The following GALNT17 variants were observed in gnomAD, a reference collection of about 807,000 sequenced individuals.
The protein encoded by GALNT17 is UDP-GalNAc:polypeptide N-acetylgalactosaminyltransferase-like 3.
A neutral mutation model predicts 63.7 loss-of-function variants in GALNT17; 29 were observed. That is an observed-to-expected ratio of 0.46 (90% CI 0.34 to 0.62). The LOEUF (loss-of-function observed/expected upper bound fraction) is 0.62. GALNT17 is among the 20% of genes least tolerant of loss of function. GALNT17 has a pLI of 0.01. For synonymous variants in GALNT17, 305 were observed against 318.3 expected, an observed-to-expected ratio of 0.96 and a Z score of 0.45; for missense variants, 603 against 799.6, an observed-to-expected ratio of 0.75 and a Z score of 2.97.
At chr7:71,512,721 G>A (rs2895291) in intron 5 of GALNT17, among the ~76,000 whole-genome samples, 3,280 of 152,274 alleles carry the variant, frequency 0.022, 123 homozygotes, top group African/African-American at 0.075. Flanking sequence ...GTAATGAACT[G>A]TGCCCAGGTA....
At chr7:71,298,711 GGTGTGTGTGTGTGTGT>G (rs10602909) in intron 1 of GALNT17, among the ~76,000 whole-genome samples, 3 of 141,490 alleles carry the variant, frequency 2.1e-5, no homozygotes, top group African/African-American at 7.7e-5. Flanking sequence ...ATTCCAGTGG[GGTGTGTGTGTGTGTGT>G]GTGTGTGTGT....
At chr7:71,409,707 T>G (rs1293015483) in intron 3 of GALNT17, among the ~76,000 whole-genome samples, 1 of 152,146 alleles carries the variant, frequency 6.6e-6, no homozygotes, top group Non-Finnish European at 1.5e-5. Flanking sequence ...GACCACCAGG[T>G]TCGTATGTCC....
intron 1 of GALNT17, among the ~76,000 whole-genome samples, chr7:71,329,612 C>T (rs1311026611): frequency 6.6e-6 from 1 of 151,498 alleles, no homozygotes; most frequent in African/African-American, 2.4e-5. Context: ...TGGCAGAAGG[C>T]GAAAGGGAAG....
chr7:71,341,019 C>G (rs1377271675), intron 2 of GALNT17, among the ~76,000 whole-genome samples: 1 of 152,088 alleles, frequency 6.6e-6, no homozygotes, highest in African/African-American at 2.4e-5. Flanking sequence ...GCCTGGGCAA[C>G]AGAGTGAGAC....
chr7:71,608,916 A>G (rs1197931261), intron 6 of GALNT17, among the ~76,000 whole-genome samples: 1 of 151,068 alleles, frequency 6.6e-6, no homozygotes, highest in Non-Finnish European at 1.5e-5. Flanking sequence ...GTAGCTGGGG[A>G]CTATAGGTGC....
intron 6 of GALNT17, among the ~76,000 whole-genome samples, chr7:71,664,431 G>A (rs71551215): frequency 0.026 from 4,007 of 152,170 alleles, 71 homozygotes; most frequent in Middle Eastern, 0.065. Context: ...GCAACATAGC[G>A]AGACCTCATC....
intron 1 of GALNT17, among the ~76,000 whole-genome samples, chr7:71,163,480 T>A (rs1788384400): frequency 6.6e-6 from 1 of 152,184 alleles, no homozygotes; most frequent in Non-Finnish European, 1.5e-5. Flanking sequence ...ATTCAGAAAA[T>A]GAAACTGACC....
rs1251982398 is a variant in GALNT17, at chr7:71,701,855, A to G, written c.1501-8906A>G. Among the ~76,000 whole-genome samples, 54 of 17,570 alleles carry G rather than the reference A, an allele frequency of 3.1e-3. 2 individuals are homozygous for G. The highest frequency in any genetic ancestry group is 7.5e-3 in the African/African-American group (50 of 6,690). The allele number at this position is 17,570 out of a possible 152,430, so 11.5% of individuals were successfully genotyped here. A position where few individuals can be genotyped will look rare whatever the true frequency, so the allele number is the denominator to read the frequency against. ...CATATATATATGTGTATATATATAT[A>G]CACATATATATATACATATATATAT... On this transcript the variant is annotated intron_variant, in intron 9 of 10. Transcript: ENST00000333538.
intron 1 of GALNT17, among the ~76,000 whole-genome samples, chr7:71,215,631 G>A (rs1464304735): frequency 1.3e-5 from 2 of 151,942 alleles, no homozygotes; most frequent in East Asian, 1.9e-4. Context: ...TGTTCGTCCT[G>A]GAGTATTTTA....
At chr7:71,583,469 T>G (rs923641480) in intron 6 of GALNT17, among the ~76,000 whole-genome samples, 1 of 152,190 alleles carries the variant, frequency 6.6e-6, no homozygotes, top group Non-Finnish European at 1.5e-5. Flanking sequence ...CTGCAGATGA[T>G]GAGCTGCTCA....
chr7:71,677,092 A>G, intron 8 of GALNT17, 119 bp from the exon 9 acceptor site: 1 of 970,732 alleles, frequency 1.0e-6, no homozygotes, highest in Non-Finnish European at 1.7e-6. Flanking sequence ...GTCCTCACTT[A>G]GAGGCTCGTG....
chr7:71,285,216 A>G lies in GALNT17; in HGVS notation c.239-50334A>G, dbSNP rs770645634. ...TTTTTTTCCTACCTTCTTTGACTAC[A>G]TATTATTTGACTACCTCTTTATTAT... is the stretch of plus-strand genomic sequence containing the variant. On this transcript the variant is annotated intron_variant, in intron 1 of 10. Transcript: ENST00000333538. Among the ~76,000 whole-genome samples the G allele has an allele frequency of 4.6e-5, 7 of 152,156 alleles. No homozygotes were observed. In the East Asian group the frequency reaches 1.3e-3, roughly 29 times the overall value.
chr7:71,688,298 T>C (rs972433033), intron 9 of GALNT17, among the ~76,000 whole-genome samples: 3 of 152,234 alleles, frequency 2.0e-5, no homozygotes, highest in African/African-American at 7.2e-5. Flanking sequence ...TCTCAAAATA[T>C]TCAAAATGTT....
chr7:71,577,412 C>T (rs576852992), intron 6 of GALNT17, among the ~76,000 whole-genome samples: 4 of 152,308 alleles, frequency 2.6e-5, no homozygotes, highest in Middle Eastern at 3.4e-3. Flanking sequence ...GCTCTCCATT[C>T]CCAGACACAC....
At chr7:71,478,113 C>T (rs1411780575) in intron 5 of GALNT17, among the ~76,000 whole-genome samples, 4 of 152,090 alleles carry the variant, frequency 2.6e-5, no homozygotes, top group Admixed American at 6.6e-5. Context: ...TAGATAAATC[C>T]GTAACTTATG....
At chr7:71,328,990 C>T (rs1791755780) in intron 1 of GALNT17, among the ~76,000 whole-genome samples, 2 of 152,164 alleles carry the variant, frequency 1.3e-5, no homozygotes, top group Admixed American at 1.3e-4. Context: ...GCTAGGCAAA[C>T]ACATCTGAAA....
At chr7:71,669,459 T>G (rs1308382256) in intron 7 of GALNT17, among the ~76,000 whole-genome samples, 1 of 151,622 alleles carries the variant, frequency 6.6e-6, no homozygotes, top group East Asian at 2.0e-4. Flanking sequence ...TGCAGTGAGA[T>G]GAGATCGTGC....
chr7:71,670,176 G>A (rs1292288751), intron 8 of GALNT17, 67 bp downstream of exon 8: 6 of 1,602,080 alleles, frequency 3.7e-6, no homozygotes, highest in Non-Finnish European at 5.1e-6. Context: ...GCTTCGCTGG[G>A]GAGAAATAGA....
chr7:71,575,260 C>T (rs974746288), intron 6 of GALNT17, among the ~76,000 whole-genome samples: 3 of 152,100 alleles, frequency 2.0e-5, no homozygotes, highest in African/African-American at 7.2e-5. Flanking sequence ...AATATATATA[C>T]ATGCATATAT....
Sources: allele counts gnomAD v4.1 joint callset (sites outside exome capture counted in the v4.1 genomes callset), GRCh38; gene constraint gnomAD v4.1.1; transcripts MANE v1.5; gene names NCBI Gene and HGNC (gene_info 2026-07-23, HGNC 2026-07-21).